Variants in DIAPH3 observed in about 807,000 individuals in gnomAD.
DIAPH3 encodes diaphanous related formin 3.
DIAPH3 carries 117 observed loss-of-function variants against 144.3 expected under a neutral mutation model. The observed-to-expected ratio is 0.81, with a 90% CI of 0.70 to 0.95. The LOEUF is 0.95. DIAPH3 is among the 40% of genes least tolerant of loss of function. The pLI is 0.00. For synonymous variants in DIAPH3, 519 were observed against 488.9 expected, an observed-to-expected ratio of 1.06 and a Z score of -0.81; for missense variants, 1,421 against 1,412.7, an observed-to-expected ratio of 1.01 and a Z score of -0.09.
At chr13:60,155,296 A>G (rs1951971305) in intron 1 of DIAPH3, among the ~76,000 whole-genome samples, 1 of 152,184 alleles carries the variant, frequency 6.6e-6, no homozygotes, top group African/African-American at 2.4e-5. Flanking sequence ...TAAATCTGAG[A>G]CAATCATCCC....
At chr13:59,701,996 C>T (rs2034136610) in intron 27 of DIAPH3, among the ~76,000 whole-genome samples, 1 of 152,204 alleles carries the variant, frequency 6.6e-6, no homozygotes, top group South Asian at 2.1e-4. Flanking sequence ...ATATCAATCC[C>T]TGAAGAAACC....
chr13:59,841,124 C>T (rs341510), intron 22 of DIAPH3, among the ~76,000 whole-genome samples: 92,888 of 151,878 alleles, frequency 0.61, 28,895 homozygotes, highest in East Asian at 0.7. Flanking sequence ...TTCTTTGCTT[C>T]TTTCAAAGTT....
chr13:59,862,223 G>T (rs966638455), intron 21 of DIAPH3, among the ~76,000 whole-genome samples: 3 of 152,138 alleles, frequency 2.0e-5, no homozygotes, highest in Non-Finnish European at 4.4e-5. Flanking sequence ...TCTGTATTAG[G>T]GAAGGCATGT....
intron 27 of DIAPH3, among the ~76,000 whole-genome samples, chr13:59,719,620 C>G (rs1487271633): frequency 6.6e-6 from 1 of 151,928 alleles, no homozygotes; most frequent in East Asian, 1.9e-4. Flanking sequence ...TGTGAAGTAC[C>G]CTGCAACCTG....
At chr13:59,895,645 A>G (rs1322051390) in intron 20 of DIAPH3, among the ~76,000 whole-genome samples, 1 of 152,222 alleles carries the variant, frequency 6.6e-6, no homozygotes, top group Non-Finnish European at 1.5e-5. Flanking sequence ...AGGAGCCACA[A>G]CGTGAATGAA....
intron 25 of DIAPH3, among the ~76,000 whole-genome samples, chr13:59,782,926 A>G (rs537242819): frequency 6.6e-5 from 10 of 152,310 alleles, no homozygotes; most frequent in Non-Finnish European, 1.3e-4. Flanking sequence ...AAGAGATAAC[A>G]GGGGTAACGC....
At chr13:59,728,968 C>T (rs375495384) in intron 27 of DIAPH3, among the ~76,000 whole-genome samples, 6 of 151,944 alleles carry the variant, frequency 3.9e-5, no homozygotes, top group African/African-American at 1.5e-4. Context: ...TGACTGTGCA[C>T]CACGAAGCCT....
At chr13:59,683,370 G>A (rs1374307696) in intron 27 of DIAPH3, among the ~76,000 whole-genome samples, 9 of 151,970 alleles carry the variant, frequency 5.9e-5, no homozygotes, top group Non-Finnish European at 1.0e-4. Context: ...AAACATTTAA[G>A]TCCTGTGGTT....
chr13:59,749,581 T>G (rs1427244361), intron 27 of DIAPH3, among the ~76,000 whole-genome samples: 1 of 151,358 alleles, frequency 6.6e-6, no homozygotes, highest in Non-Finnish European at 1.5e-5. Context: ...AAATAATCTT[T>G]TATTATATCC....
At chr13:59,767,425 C>T (rs990663083) in intron 27 of DIAPH3, among the ~76,000 whole-genome samples, 1 of 151,824 alleles carries the variant, frequency 6.6e-6, no homozygotes, top group Non-Finnish European at 1.5e-5. Context: ...TTCTTTAATC[C>T]TCTTTTAAAA....
chr13:60,142,596 C>T (rs1051480666), intron 1 of DIAPH3, among the ~76,000 whole-genome samples: 3 of 152,242 alleles, frequency 2.0e-5, no homozygotes, highest in South Asian at 2.1e-4. Flanking sequence ...GTGCTCCACA[C>T]GTGTGCGAGT....
intron 27 of DIAPH3, among the ~76,000 whole-genome samples, chr13:59,714,365 A>C (rs1406211657): frequency 4.3e-5 from 1 of 23,320 alleles, no homozygotes; most frequent in Non-Finnish European, 1.1e-4. Context: ...GTCTCAAAAA[A>C]AAAAAAAAAA....
intron 25 of DIAPH3, among the ~76,000 whole-genome samples, chr13:59,794,208 A>T (rs2039467827): frequency 6.6e-6 from 1 of 152,154 alleles, no homozygotes; most frequent in Non-Finnish European, 1.5e-5. Context: ...TTTGACTTAA[A>T]ATATTTCCAA....
At chr13:59,876,608 T>G (rs777962044) in intron 21 of DIAPH3, among the ~76,000 whole-genome samples, 7 of 152,184 alleles carry the variant, frequency 4.6e-5, no homozygotes, top group Non-Finnish European at 8.8e-5. Context: ...CAACAGCTAT[T>G]TATTGAGTAC....
chr13:59,914,883 A>C (rs1179007100), intron 19 of DIAPH3, among the ~76,000 whole-genome samples: 2 of 152,224 alleles, frequency 1.3e-5, no homozygotes, highest in African/African-American at 4.8e-5. Flanking sequence ...AATTTGTATT[A>C]TTTTAAGCAA....
At chr13:59,833,706 G>GTAA (rs949833015) in intron 23 of DIAPH3, among the ~76,000 whole-genome samples, 7 of 151,620 alleles carry the variant, frequency 4.6e-5, no homozygotes, top group Non-Finnish European at 8.9e-5. Flanking sequence ...CCTATACTTG[G>GTAA]TAATAGTGTG....
chr13:60,067,950 T>C (rs929770833), intron 4 of DIAPH3, among the ~76,000 whole-genome samples: 1 of 152,192 alleles, frequency 6.6e-6, no homozygotes, highest in African/African-American at 2.4e-5. Context: ...TAGAGAATAA[T>C]TCCATTATTT....
At chr13:59,709,580 A>C (rs2034619414) in intron 27 of DIAPH3, among the ~76,000 whole-genome samples, 1 of 152,240 alleles carries the variant, frequency 6.6e-6, no homozygotes, top group Non-Finnish European at 1.5e-5. Context: ...GCAATCATTA[A>C]AAAGTCAGCA....
At chr13:59,829,096 G>A (rs1034428354) in intron 24 of DIAPH3, among the ~76,000 whole-genome samples, 1 of 151,960 alleles carries the variant, frequency 6.6e-6, no homozygotes, top group Non-Finnish European at 1.5e-5. Flanking sequence ...TCGAAGGGCT[G>A]TATCTATACA....
Sources: gnomAD v4.1 joint callset for allele counts (sites outside exome capture counted in the v4.1 genomes callset) on GRCh38, gnomAD v4.1.1 for gene constraint, MANE v1.5 for transcripts, NCBI Gene and HGNC (gene_info 2026-07-23, HGNC 2026-07-21) for gene names.